The following CYFIP2 variants were observed in gnomAD, a reference collection of about 807,000 sequenced individuals.
CYFIP2 encodes the protein cytoplasmic FMR1-interacting protein 2.
In CYFIP2, 29 loss-of-function variants were observed where a neutral mutation model predicts 158.7. The observed-to-expected ratio is 0.18, with a 90% CI of 0.14 to 0.25. The LOEUF (loss-of-function observed/expected upper bound fraction) is 0.25, where lower values mean the gene tolerates loss of function less well. CYFIP2 is among the 10% of genes least tolerant of loss of function. The pLI, the probability that CYFIP2 is intolerant of heterozygous loss-of-function variation, is 1.00. For synonymous variants in CYFIP2, 585 were observed against 617.6 expected (o/e 0.95, Z 0.78); for missense variants, 852 against 1,639.5 (o/e 0.52, Z 8.29).
intron 3 of CYFIP2, among the ~76,000 whole-genome samples, chr5:157,290,625 G>A (rs1287771756): frequency 1.3e-5 from 2 of 152,176 alleles, no homozygotes; most frequent in Non-Finnish European, 2.9e-5. Flanking sequence ...ATCTTGGGGG[G>A]ACCATTATTC....
chr5:157,366,482 T>G (rs772999477), intron 26 of CYFIP2, among the ~76,000 whole-genome samples: 1 of 152,244 alleles, frequency 6.6e-6, no homozygotes, highest in Non-Finnish European at 1.5e-5. Flanking sequence ...TAGAGGTTAG[T>G]CTTTCAACGC....
chr5:157,381,266 A>T (rs1382076652), intron 26 of CYFIP2, among the ~76,000 whole-genome samples: 2 of 151,872 alleles, frequency 1.3e-5, no homozygotes, highest in Admixed American at 1.3e-4. Context: ...GAATTTCTTT[A>T]TTACTTTACT....
At chr5:157,312,951 A>G (rs137998816) in intron 11 of CYFIP2, among the ~76,000 whole-genome samples, 1 of 152,316 alleles carries the variant, frequency 6.6e-6, no homozygotes, top group African/African-American at 2.4e-5. Flanking sequence ...GACTCAAGCA[A>G]TTCTCCTGCC....
chr5:157,322,663 G>A (rs1006584388), intron 15 of CYFIP2, among the ~76,000 whole-genome samples: 1 of 152,198 alleles, frequency 6.6e-6, no homozygotes, highest in African/African-American at 2.4e-5. Flanking sequence ...AAGCCCTGTG[G>A]CAGGGATGGT....
Position 157,320,704 on chromosome 5 carries a change from G to A in CYFIP2, c.1573G>A (p.Glu525Lys), listed in dbSNP as rs1760526518. 1 of 1,613,818 alleles carries A rather than the reference G, an allele frequency of 6.2e-7. No individual in the cohort carries two copies. The highest frequency in any genetic ancestry group is 1.1e-5 in the South Asian group (1 of 91,074). The change falls in exon 15 of 31, where the codon GAG (glutamate) becomes AAG (lysine). Residue 525 changes from glutamate to lysine, a missense_variant. Transcript: ENST00000620254. ...CATCTGTGACTGGGAGGGAGGGCGAGAGCCCCCTAATGACCCATGCTTGAG... is the reference window on the plus strand; with the variant it reads ...CATCTGTGACTGGGAGGGAGGGCGAAAGCCCCCTAATGACCCATGCTTGAG... Reference protein sequence around the residue: ...KTICDWEGGREPPNDPCLRGE... With the variant: ...KTICDWEGGRKPPNDPCLRGE...
chr5:157,297,611 C>G (rs545832306), intron 5 of CYFIP2, among the ~76,000 whole-genome samples: 1 of 152,204 alleles, frequency 6.6e-6, no homozygotes, highest in African/African-American at 2.4e-5. Flanking sequence ...GAAGAACTAT[C>G]CAGAAACTGA....
intron 1 of CYFIP2, among the ~76,000 whole-genome samples, chr5:157,283,951 C>T (rs1290812842): frequency 6.6e-6 from 1 of 152,176 alleles, no homozygotes; most frequent in Non-Finnish European, 1.5e-5. Flanking sequence ...GATCTCACAA[C>T]TCCCTGGGAT....
chr5:157,300,900 A>G lies in CYFIP2; in HGVS notation c.569+4A>G. 6.4e-7 allele frequency: 1 copy of G among 1,555,172 alleles called. No homozygotes were observed. The highest frequency in any genetic ancestry group is 1.8e-5 in the Admixed American group (1 of 55,906). ...ATGACCACTCTGCCTACAAGAGGTC[A>G]GGGCAACCTCCCCCTCTCCCCTTTC... On this transcript the variant is annotated splice_donor_region_variant and intron_variant, in intron 6 of 30. Transcript: ENST00000620254.
rs750421212 is a variant in CYFIP2 at position 157,285,403 on chromosome 5, G to T, written c.42G>T (p.Val14=). 44 of 1,579,982 alleles carry T rather than the reference G, an allele frequency of 2.8e-5. No homozygotes were observed. The South Asian group carries it at 4.9e-4, about 18-fold the overall frequency. ...HVTLEDALSN[V]DLLEELPLPD... ...CCCTGGAAGATGCCCTGTCCAACGT[G>T]GACCTGCTTGAAGAGCTTCCCCTCC... Residue 14 remains valine, a synonymous_variant, in exon 2 of 31, where the codon GTG becomes GTT. Coordinates refer to ENST00000620254, the MANE Select transcript of CYFIP2 (RefSeq NM_001037333.3).
At chr5:157,274,157 G>A (rs1175408927) in intron 1 of CYFIP2, among the ~76,000 whole-genome samples, 1 of 149,820 alleles carries the variant, frequency 6.7e-6, no homozygotes, top group Non-Finnish European at 1.5e-5. Context: ...AAACCGTTCA[G>A]TGGTTTTTAA....
chr5:157,388,852 CTAG>C (rs935142376), intron 28 of CYFIP2, among the ~76,000 whole-genome samples: 2 of 152,172 alleles, frequency 1.3e-5, no homozygotes, highest in African/African-American at 4.8e-5. Flanking sequence ...AAAGCATAAG[CTAG>C]TAGTAATTAT....
intron 13 of CYFIP2, among the ~76,000 whole-genome samples, chr5:157,316,152 T>C (rs1198493344): frequency 1.3e-5 from 2 of 152,130 alleles, no homozygotes; most frequent in South Asian, 2.1e-4. Context: ...GCTCAGCATA[T>C]TGTTAAGTTA....
At chr5:157,323,154 G>A in intron 15 of CYFIP2, 1 of 834,712 alleles carries the variant, frequency 1.2e-6, no homozygotes, top group Non-Finnish European at 1.9e-6. Flanking sequence ...GATTAGCAAA[G>A]AGAACCACCC....
In CYFIP2 at chr5:157,342,905, C is replaced by A. The variant is rs762802394; in HGVS notation, c.2673+1748C>A. 3.7e-6 allele frequency: 6 copies of A among 1,613,962 alleles called. No homozygotes were observed. Among genetic ancestry groups the A allele is most frequent in the South Asian group, 3.3e-5 (3 of 91,064 alleles). ...CAGTATAGCGGGTGGGTCACCACCCCCCCTCTGTAAGGCACCCGCATCAGG... is the reference window on the plus strand; with the variant it reads ...CAGTATAGCGGGTGGGTCACCACCCACCCTCTGTAAGGCACCCGCATCAGG... On this transcript the variant is annotated intron_variant, in intron 23 of 30. Transcript: ENST00000620254.
At chr5:157,368,902 G>T (rs145192318) in intron 26 of CYFIP2, among the ~76,000 whole-genome samples, 25 of 143,330 alleles carry the variant, frequency 1.7e-4, no homozygotes, top group East Asian at 1.2e-3. Flanking sequence ...TTGTTTTTTT[G>T]TTTTTTTTTT....
At chr5:157,385,727 C>T (rs1226693274) in intron 28 of CYFIP2, among the ~76,000 whole-genome samples, 1 of 151,692 alleles carries the variant, frequency 6.6e-6, no homozygotes, top group East Asian at 1.9e-4. Context: ...TTATCACGAG[C>T]AAATAATAGA....
intron 17 of CYFIP2, 23 bp from the exon 18 acceptor site, chr5:157,326,148 T>C: frequency 6.4e-7 from 1 of 1,572,940 alleles, no homozygotes. Context: ...AGCAAGCGGC[T>C]GGCTGTGTTT....
chr5:157,323,087 C>A, intron 15 of CYFIP2: 1 of 1,363,460 alleles, frequency 7.3e-7, no homozygotes, highest in Non-Finnish European at 1.0e-6. Context: ...ACTAGCCTGG[C>A]TCCTCAAGGC....
chr5:157,346,599 A>T (rs919006309), intron 23 of CYFIP2, among the ~76,000 whole-genome samples: 2 of 152,182 alleles, frequency 1.3e-5, no homozygotes, highest in Non-Finnish European at 2.9e-5. Context: ...TGGAGAGGGC[A>T]TGGTTCTGCG....
Sources: allele counts gnomAD v4.1 joint callset (sites outside exome capture counted in the v4.1 genomes callset), GRCh38; gene constraint gnomAD v4.1.1; transcripts MANE v1.5; gene names NCBI Gene and HGNC (gene_info 2026-07-23, HGNC 2026-07-21).